Variants in TMPRSS15 observed in about 807,000 individuals in gnomAD.
TMPRSS15 encodes the protein enteropeptidase.
Under a neutral mutation model 125.3 loss-of-function variants are expected in TMPRSS15, and 128 were observed. The observed-to-expected ratio is 1.02, with a 90% CI of 0.89 to 1.18. The LOEUF is 1.18. Ranked by LOEUF, TMPRSS15 falls within the 50% of genes most tolerant of loss-of-function variation. The pLI, the probability that TMPRSS15 is intolerant of heterozygous loss-of-function variation, is 0.00. For synonymous variants in TMPRSS15, 446 were observed against 423.2 expected, an observed-to-expected ratio of 1.05 and a Z score of -0.66; for missense variants, 1,283 against 1,212.7, an observed-to-expected ratio of 1.06 and a Z score of -0.86.
chr21:18,282,323 C>A (rs993173708), intron 21 of TMPRSS15, among the ~76,000 whole-genome samples: 2 of 152,010 alleles, frequency 1.3e-5, no homozygotes, highest in African/African-American at 4.8e-5. Context: ...TTTCTTCACA[C>A]AAAGGAATTA....
In TMPRSS15 at chr21:18,329,232, A is replaced by C. The variant is rs1569011837; in HGVS notation, c.1717T>G (p.Leu573Val). 2 of 1,612,402 alleles carry C rather than the reference A, an allele frequency of 1.2e-6. No homozygotes were observed. Among genetic ancestry groups the C allele is most frequent in the Non-Finnish European group, 1.7e-6 (2 of 1,178,902 alleles). The change falls in exon 15 of 25, where the codon TTA (leucine) becomes GTA (valine). Residue 573 changes from leucine to valine, a missense_variant. Transcript: ENST00000284885. Reference sequence around the variant, plus strand: ...TCAACTACATCGTTAATATTTTCTAAGTCAAATTCTTGAAAATGAAGTTGT... The same window carrying C: ...TCAACTACATCGTTAATATTTTCTACGTCAAATTCTTGAAAATGAAGTTGT... Reference protein sequence around the residue: ...NIQLHFQEFDLENINDVVEIR... With the variant: ...NIQLHFQEFDVENINDVVEIR...
rs57708622 is a variant in TMPRSS15, at chr21:18,387,612, TACACACACACACACACACACACACAC to T, written c.345-3860_345-3835del. 2.1e-5 allele frequency among the ~76,000 whole-genome samples: 3 copies of T among 145,242 alleles called. No homozygotes were observed. In the South Asian group the frequency reaches 6.6e-4, roughly 32 times the overall value. On this transcript the variant is annotated intron_variant, in intron 3 of 24. Coordinates refer to ENST00000284885, the MANE Select transcript of TMPRSS15 (RefSeq NM_002772.3). ...AAGAGTAGCTACACACACACACACATACACACACACACACACACACACACACACACACACACACGCACACACACCCC... is the reference window on the plus strand; with the variant it reads ...AAGAGTAGCTACACACACACACACATACACACACACACGCACACACACCCC...
At chr21:18,409,448 A>G (rs2076160026) in intron 1 of TMPRSS15, among the ~76,000 whole-genome samples, 1 of 152,046 alleles carries the variant, frequency 6.6e-6, no homozygotes, top group Admixed American at 6.5e-5. Flanking sequence ...TAATGGGGTT[A>G]GGGTCCAATT....
At chr21:18,322,225 G>A (rs1254135807) in intron 16 of TMPRSS15, among the ~76,000 whole-genome samples, 2 of 152,288 alleles carry the variant, frequency 1.3e-5, no homozygotes, top group East Asian at 3.9e-4. Flanking sequence ...TGCTGATGAG[G>A]ATGCAGAGAA....
intron 1 of TMPRSS15, among the ~76,000 whole-genome samples, chr21:18,435,607 C>T (rs990082035): frequency 9.2e-5 from 14 of 152,070 alleles, no homozygotes; most frequent in Non-Finnish European, 2.1e-4. Context: ...TTGGTTGTGT[C>T]TCTGCCTGGC....
intron 18 of TMPRSS15, among the ~76,000 whole-genome samples, chr21:18,311,113 C>G (rs1187999530): frequency 6.6e-6 from 1 of 151,866 alleles, no homozygotes; most frequent in Non-Finnish European, 1.5e-5. Flanking sequence ...AAATCTAATA[C>G]CTAAAATGTT....
chr21:18,445,848 A>G (rs942377002), intron 1 of TMPRSS15, among the ~76,000 whole-genome samples: 54 of 152,370 alleles, frequency 3.5e-4, no homozygotes, highest in African/African-American at 1.3e-3. Flanking sequence ...CATAGCTAGC[A>G]TAATACTGGA....
Position 18,332,160 on chromosome 21 carries a change from T to G in TMPRSS15, c.1578A>C (p.Gly526=). ...TATTTGGCTCCCACAGCTCAAAAGG[T>G]CCTCCACAGTCCGCTGAAAAGGAAA... ...PPPELPTDCG[G]PFELWEPNTT... is the part of the protein sequence containing the mutation. The change falls in exon 14 of 25, where the codon GGA becomes GGC. Residue 526 remains glycine, a synonymous_variant. Coordinates refer to ENST00000284885, the MANE Select transcript of TMPRSS15 (RefSeq NM_002772.3). The G allele has an allele frequency of 6.2e-7, 1 of 1,614,014 alleles. No individual in the cohort carries two copies. The highest frequency in any genetic ancestry group is 8.5e-7 in the Non-Finnish European group (1 of 1,179,902).
intron 18 of TMPRSS15, among the ~76,000 whole-genome samples, chr21:18,305,312 C>T (rs1387387318): frequency 2.0e-5 from 3 of 151,634 alleles, no homozygotes; most frequent in Non-Finnish European, 2.9e-5. Context: ...CCTCAGCCTC[C>T]CGAGTAGCTG....
At chr21:18,329,053 T>G in intron 15 of TMPRSS15, 116 bp downstream of exon 15, 1 of 1,168,754 alleles carries the variant, frequency 8.6e-7, no homozygotes, top group Admixed American at 1.8e-5. Context: ...ACTTTACTAT[T>G]GTATTTTCAT....
intron 5 of TMPRSS15, among the ~76,000 whole-genome samples, chr21:18,373,869 G>A (rs778902435): frequency 2.0e-5 from 3 of 152,100 alleles, no homozygotes; most frequent in Non-Finnish European, 2.9e-5. Flanking sequence ...GACCCCACAA[G>A]TATTTATTTT....
chr21:18,432,095 TA>T (rs1250101271), intron 1 of TMPRSS15, among the ~76,000 whole-genome samples: 1 of 152,184 alleles, frequency 6.6e-6, no homozygotes, highest in African/African-American at 2.4e-5. Flanking sequence ...GCTTCCTGAA[TA>T]CATTTTGCTT....
chr21:18,360,438 A>T (rs1327866786), intron 7 of TMPRSS15, among the ~76,000 whole-genome samples: 2 of 152,152 alleles, frequency 1.3e-5, no homozygotes, highest in Non-Finnish European at 2.9e-5. Flanking sequence ...AGAATTGGGA[A>T]TGCTGGATCA....
chr21:18,440,293 AAC>A (rs1197365926), intron 1 of TMPRSS15, among the ~76,000 whole-genome samples: 1 of 138,200 alleles, frequency 7.2e-6, no homozygotes, highest in East Asian at 2.1e-4. Context: ...GAATGGCGTG[AAC>A]CCGGGAGGCG....
At chr21:18,342,556 G>A (rs750531887) in intron 12 of TMPRSS15, among the ~76,000 whole-genome samples, 6 of 152,150 alleles carry the variant, frequency 3.9e-5, no homozygotes, top group Admixed American at 1.3e-4. Context: ...TAGAAAAGAC[G>A]CTCAATGAGT....
chr21:18,419,971 A>G (rs1457452489), intron 1 of TMPRSS15, among the ~76,000 whole-genome samples: 1 of 152,244 alleles, frequency 6.6e-6, no homozygotes, highest in Non-Finnish European at 1.5e-5. Flanking sequence ...CACAATGTGA[A>G]CAAGAAATTG....
intron 1 of TMPRSS15, among the ~76,000 whole-genome samples, chr21:18,428,490 G>A (rs1420869975): frequency 1.3e-5 from 2 of 152,150 alleles, no homozygotes; most frequent in Non-Finnish European, 2.9e-5. Context: ...AGGTCTGGAG[G>A]CCTAGGAGAA....
At chr21:18,357,637 A>T (rs1057052308) in intron 8 of TMPRSS15, among the ~76,000 whole-genome samples, 9 of 151,844 alleles carry the variant, frequency 5.9e-5, no homozygotes, top group Admixed American at 2.0e-4. Flanking sequence ...TTGCTAAAAC[A>T]TTTAGGGAAA....
chr21:18,462,451 T>C (rs914897199), intron 1 of TMPRSS15, among the ~76,000 whole-genome samples: 1 of 152,130 alleles, frequency 6.6e-6, no homozygotes, highest in African/African-American at 2.4e-5. Context: ...AGAAAATTTA[T>C]TTAATTAGAT....
Sources: gnomAD v4.1 joint callset for allele counts (sites outside exome capture counted in the v4.1 genomes callset) on GRCh38, gnomAD v4.1.1 for gene constraint, MANE v1.5 for transcripts, NCBI Gene and HGNC (gene_info 2026-07-23, HGNC 2026-07-21) for gene names.